ACSS3: variants seen among roughly 807,000 people sequenced by gnomAD.
ACSS3 encodes acyl-CoA synthetase short chain family member 3.
In ACSS3, 64 loss-of-function variants were observed where a neutral mutation model predicts 84.2. The ratio of observed to expected loss-of-function variants is 0.76; its 90% CI spans 0.62 to 0.94. ACSS3 has a LOEUF of 0.94. Ranked by LOEUF, ACSS3 falls within the 40% of genes least tolerant of loss-of-function variation. The pLI, the probability that ACSS3 is intolerant of heterozygous loss-of-function variation, is 0.00. For synonymous variants in ACSS3, 317 were observed against 310.1 expected, an observed-to-expected ratio of 1.02 and a Z score of -0.23; for missense variants, 815 against 867.6, an observed-to-expected ratio of 0.94 and a Z score of 0.76.
rs546512021 is a variant in ACSS3, at chr12:81,174,598, G to A, written c.1099-190G>A. 9 of 511,488 alleles carry A rather than the reference G, an allele frequency of 1.8e-5. No individual in the cohort carries two copies. The Admixed American group carries it at 1.8e-4, about 10-fold the overall frequency. 31.7% of individuals were successfully genotyped at this position (511,488 alleles called of 1,614,324 possible). A position where few individuals can be genotyped will look rare whatever the true frequency, so the allele number is the denominator to read the frequency against. ...AAAGGTTTTAGGATACTAAAATGGA[G>A]CAAACAGTCTCTGTTATGCCTGGGT... On this transcript the variant is annotated intron_variant, in intron 7 of 15. Coordinates refer to ENST00000548058, the MANE Select transcript of ACSS3 (RefSeq NM_024560.4).
At chr12:81,134,752 T>C (rs1885696438) in intron 2 of ACSS3, 64 bp from the exon 3 acceptor site, 7 of 1,376,678 alleles carry the variant, frequency 5.1e-6, no homozygotes, top group African/African-American at 1.4e-5. Context: ...TATTACTGCC[T>C]TAAGTTAGAA....
intron 7 of ACSS3, among the ~76,000 whole-genome samples, chr12:81,169,478 T>C (rs549145336): frequency 5.5e-4 from 84 of 152,276 alleles, no homozygotes; most frequent in Non-Finnish European, 1.0e-3. Flanking sequence ...ACCCTCTTTT[T>C]TCATACTTTA....
intron 7 of ACSS3, among the ~76,000 whole-genome samples, chr12:81,174,185 C>T (rs2030297928): frequency 1.3e-5 from 2 of 152,096 alleles, no homozygotes; most frequent in African/African-American, 4.8e-5. Flanking sequence ...GTATGGCTTG[C>T]CAAATTGTGA....
chr12:81,162,638 G>C (rs895833424), intron 7 of ACSS3, among the ~76,000 whole-genome samples: 6 of 152,058 alleles, frequency 3.9e-5, no homozygotes, highest in African/African-American at 1.4e-4. Flanking sequence ...CTTCACTGGG[G>C]ACCCACCCCT....
In ACSS3 at chr12:81,139,263, A is replaced by G. The variant is rs1213461732; in HGVS notation, c.778A>G (p.Met260Val). Residue 260 changes from methionine to valine, a missense_variant and splice_region_variant, in exon 4 of 16, where the codon ATG (methionine) becomes GTG (valine). Coordinates refer to ENST00000548058, the MANE Select transcript of ACSS3 (RefSeq NM_024560.4). ...AATTCTCATTTATAATCGTCCAAATATGGTAATCTGAATATTGAATTTGGT... is the reference window on the plus strand; with the variant it reads ...AATTCTCATTTATAATCGTCCAAATGTGGTAATCTGAATATTGAATTTGGT... ...DKILIYNRPN[M>V]EAVPLAPGRD... is the part of the protein sequence containing the mutation. 3 of 1,613,642 alleles carry G rather than the reference A, an allele frequency of 1.9e-6. No individual in the cohort carries two copies. The highest frequency in any genetic ancestry group is 1.3e-5 in the African/African-American group (1 of 74,938).
rs2034366790 is a variant in ACSS3, at chr12:81,257,857, C to G, written c.*2935C>G. The G allele has an allele frequency of 6.6e-6, 1 of 151,838 alleles. No homozygotes were observed. 9.4% of individuals were successfully genotyped at this position (151,838 alleles called of 1,614,324 possible). On this transcript the variant is annotated 3_prime_UTR_variant, in exon 16 of 16. Coordinates refer to ENST00000548058, the MANE Select transcript of ACSS3 (RefSeq NM_024560.4). ...TATGCTTCTTTTTTGAGGGAAATACCTGGATCTTTTGCATCACTATATGTT... is the reference window on the plus strand; with the variant it reads ...TATGCTTCTTTTTTGAGGGAAATACGTGGATCTTTTGCATCACTATATGTT...
intron 2 of ACSS3, 21 bp from the exon 3 acceptor site, chr12:81,134,795 G>C: frequency 6.7e-7 from 1 of 1,496,712 alleles, no homozygotes. Context: ...ACACTTTACT[G>C]ATTTAATGGT....
intron 4 of ACSS3, 119 bp downstream of exon 4, chr12:81,139,384 T>C (rs1470263907): frequency 3.5e-6 from 4 of 1,135,546 alleles, no homozygotes; most frequent in Admixed American, 2.7e-5. Flanking sequence ...CTGAATGTTA[T>C]TGTTATTTCT....
intron 1 of ACSS3, chr12:81,094,790 A>G (rs1477189520): frequency 6.6e-6 from 1 of 152,200 alleles, no homozygotes; most frequent in Non-Finnish European, 1.5e-5. Context: ...AAATGAAAAA[A>G]TGTATAGTCC....
chr12:81,172,505 G>T (rs577452293), intron 7 of ACSS3, among the ~76,000 whole-genome samples: 1 of 150,762 alleles, frequency 6.6e-6, no homozygotes, highest in African/African-American at 2.4e-5. Flanking sequence ...TCTTTCTGGC[G>T]TGCACCTGTA....
chr12:81,227,538 TTAAC>T (rs1419699075), intron 11 of ACSS3, among the ~76,000 whole-genome samples: 9 of 151,810 alleles, frequency 5.9e-5, no homozygotes, highest in Admixed American at 2.0e-4. Flanking sequence ...TATTTGCTGA[TTAAC>T]TGACTGAATA....
At chr12:81,107,778 G>A (rs1883201272) in intron 1 of ACSS3, among the ~76,000 whole-genome samples, 1 of 151,818 alleles carries the variant, frequency 6.6e-6, no homozygotes, top group African/African-American at 2.4e-5. Flanking sequence ...GTGGTTGGGA[G>A]CATTGCTTCA....
chr12:81,108,615 T>C (rs148702505), intron 1 of ACSS3, among the ~76,000 whole-genome samples: 18 of 152,298 alleles, frequency 1.2e-4, no homozygotes, highest in African/African-American at 4.3e-4. Flanking sequence ...ACTGTATCTG[T>C]AGCTGCTTTT....
chr12:81,164,004 G>A (rs1219340787), intron 7 of ACSS3, among the ~76,000 whole-genome samples: 1 of 152,092 alleles, frequency 6.6e-6, no homozygotes, highest in African/African-American at 2.4e-5. Flanking sequence ...TAGCTTAAGT[G>A]TGCAGTGTTT....
At chr12:81,178,530 A>T (rs1472097906) in intron 8 of ACSS3, among the ~76,000 whole-genome samples, 1 of 152,178 alleles carries the variant, frequency 6.6e-6, no homozygotes, top group African/African-American at 2.4e-5. Flanking sequence ...CAAATAAAAA[A>T]TGCCATCCCA....
At chr12:81,200,502 A>G (rs1284986623) in intron 9 of ACSS3, among the ~76,000 whole-genome samples, 2 of 152,212 alleles carry the variant, frequency 1.3e-5, no homozygotes, top group Non-Finnish European at 2.9e-5. Flanking sequence ...TAACTGAATG[A>G]CTAAGCCTGA....
intron 13 of ACSS3, among the ~76,000 whole-genome samples, chr12:81,250,024 A>G (rs1413257764): frequency 1.3e-5 from 2 of 152,068 alleles, no homozygotes; most frequent in Non-Finnish European, 2.9e-5. Flanking sequence ...TATATACTCA[A>G]TTGTGGTGAG....
At chr12:81,237,843 A>T (rs1183600923) in intron 13 of ACSS3, among the ~76,000 whole-genome samples, 2 of 151,658 alleles carry the variant, frequency 1.3e-5, no homozygotes, top group Non-Finnish European at 3.0e-5. Flanking sequence ...TTATTGCACT[A>T]CCTAGTTCAG....
At chr12:81,150,406 C>T (rs1010059141) in intron 5 of ACSS3, among the ~76,000 whole-genome samples, 2 of 152,158 alleles carry the variant, frequency 1.3e-5, no homozygotes, top group African/African-American at 2.4e-5. Flanking sequence ...ATTCATCAAT[C>T]TGTTGAGCCA....
Sources: allele counts gnomAD v4.1 joint callset (sites outside exome capture counted in the v4.1 genomes callset), GRCh38; gene constraint gnomAD v4.1.1; transcripts MANE v1.5; gene names NCBI Gene and HGNC (gene_info 2026-07-23, HGNC 2026-07-21).